The following ZNF227 variants were observed in gnomAD, a reference collection of about 807,000 sequenced individuals.
ZNF227 encodes zinc finger protein 227.
ZNF227 carries 12 observed loss-of-function variants against 13.2 expected under a neutral mutation model. The observed-to-expected ratio is 0.91, with a 90% confidence interval of 0.58 to 1.47. ZNF227 has a LOEUF of 1.47. ZNF227 is among the 40% of genes most tolerant of loss of function. ZNF227 has a pLI of 0.00. For synonymous variants in ZNF227, 338 were observed against 326.0 expected (o/e 1.04, Z -0.40); for missense variants, 885 against 967.5 (o/e 0.91, Z 1.13).
intron 2 of ZNF227, 187 bp from the exon 3 acceptor site, chr19:44,217,604 G>A (rs1972026876): frequency 1.3e-6 from 1 of 756,692 alleles, no homozygotes; most frequent in South Asian, 1.4e-5. Flanking sequence ...CACTTGTGCA[G>A]ACTGTTCACT....
rs181290314 is a variant in ZNF227, at chr19:44,217,945, G to A, written c.60+93G>A. 260 of 1,441,672 alleles carry A rather than the reference G, an allele frequency of 1.8e-4. 2 individuals are homozygous for A. The African/African-American group carries it at 3.1e-3, about 17-fold the overall frequency. 89.3% of individuals were successfully genotyped at this position (1,441,672 alleles called of 1,614,324 possible). A position where few individuals can be genotyped will look rare whatever the true frequency, so the allele number is the denominator to read the frequency against. On this transcript the variant is annotated intron_variant, in intron 3 of 5. Transcript: ENST00000313040. ...TTCTCTTTCTTGGAAAGGTTAGTGGGAAACAGATATTCAGGACATGTGGTA... is the reference window on the plus strand; with the variant it reads ...TTCTCTTTCTTGGAAAGGTTAGTGGAAAACAGATATTCAGGACATGTGGTA...
At chr19:44,231,134 C>T (rs1363933630) in intron 5 of ZNF227, among the ~76,000 whole-genome samples, 3 of 149,610 alleles carry the variant, frequency 2.0e-5, no homozygotes, top group South Asian at 4.2e-4. Flanking sequence ...TTTTTGAGAC[C>T]GAGTCTTGCT....
chr19:44,237,093 C>A lies in ZNF227; in HGVS notation c.*263C>A. The A allele has an allele frequency of 2.9e-6, 1 of 343,288 alleles. No individual in the cohort carries two copies. Among genetic ancestry groups the A allele is most frequent in the Non-Finnish European group, 5.3e-6 (1 of 189,912 alleles). 21.3% of individuals were successfully genotyped at this position (343,288 alleles called of 1,614,324 possible). On this transcript the variant is annotated 3_prime_UTR_variant, in exon 6 of 6. Transcript: ENST00000313040. ...GATCACCTTTCATTGTGAATATATG[C>A]CTGAAGATAATGTGTGGAAGGATAT...
rs1209501838 is a variant in ZNF227, at chr19:44,236,101, C to A, written c.1671C>A (p.Phe557Leu). 1 of 1,613,674 alleles carries A rather than the reference C, an allele frequency of 6.2e-7. No homozygotes were observed. Among genetic ancestry groups the A allele is most frequent in the South Asian group, 1.1e-5 (1 of 91,054 alleles). Reference sequence around the variant, plus strand: ...GATGTGATGTGTGTGGTAAGGACTTCAGTTATAGTTCAAATCTTAAACTAC... The same window carrying A: ...GATGTGATGTGTGTGGTAAGGACTTAAGTTATAGTTCAAATCTTAAACTAC... ...PYRCDVCGKD[F>L]SYSSNLKLHQ... Residue 557 changes from phenylalanine (F) to leucine (L), a missense_variant, in exon 6 of 6, where the codon TTC becomes TTA. Transcript: ENST00000313040.
chr19:44,213,320 T>C (rs1251672109), intron 2 of ZNF227, 76 bp downstream of exon 2: 1 of 152,212 alleles, frequency 6.6e-6, no homozygotes, highest in Non-Finnish European at 1.5e-5. Context: ...ACTCAGTAAG[T>C]TACTACTGAA....
chr19:44,213,610 T>C (rs1971546904), intron 2 of ZNF227: 1 of 152,246 alleles, frequency 6.6e-6, no homozygotes, highest in Non-Finnish European at 1.5e-5. Flanking sequence ...TTTGTTTTTG[T>C]TTCTTTGGTT....
upstream of ZNF227, among the ~76,000 whole-genome samples, chr19:44,208,914 A>G (rs1475310427): frequency 6.6e-6 from 1 of 152,212 alleles, no homozygotes; most frequent in Non-Finnish European, 1.5e-5. Context: ...TCACTGCTGT[A>G]TATTTAAACA....
At chr19:44,216,295 C>T (rs1971876303) in intron 2 of ZNF227, among the ~76,000 whole-genome samples, 1 of 151,086 alleles carries the variant, frequency 6.6e-6, no homozygotes, top group Non-Finnish European at 1.5e-5. Context: ...TTGACAGTTT[C>T]TTTATTTTGG....
At position 44,235,567 on chromosome 19, in the gene ZNF227, A is replaced by G; in HGVS notation, c.1137A>G (p.Pro379=). Residue 379 remains proline (P), a synonymous_variant, in exon 6 of 6, where the codon CCA becomes CCG. Coordinates refer to ENST00000313040, the MANE Select transcript of ZNF227 (RefSeq NM_182490.3). Reference sequence around the variant, plus strand: ...AGAGAGTCCACACTGAAGAAAAACCATACAAATGCGAAGAGTGTGGTAAGG... The same window carrying G: ...AGAGAGTCCACACTGAAGAAAAACCGTACAAATGCGAAGAGTGTGGTAAGG... The part of the protein sequence containing the change: ...CHQRVHTEEK[P]YKCEECGKGF... 1 of 1,614,186 alleles carries G rather than the reference A, an allele frequency of 6.2e-7. No homozygotes were observed.
chr19:44,217,802 C>G lies in ZNF227; in HGVS notation c.10C>G (p.Gln4Glu). 6.2e-7 allele frequency: 1 copy of G among 1,614,216 alleles called. No homozygotes were observed. Among genetic ancestry groups the G allele is most frequent in the East Asian group, 2.2e-5 (1 of 44,890 alleles). ...TTGGTCTCCCCCAGTTATGCCATCT[C>G]AGAACTATGACCTTCCCCAGAAGAA... MPS[Q>E]NYDLPQKKQE... is the part of the protein sequence containing the mutation. The change falls in exon 3 of 6, where the codon CAG (glutamine) becomes GAG (glutamate). Residue 4 changes from glutamine to glutamate, a missense_variant. Coordinates refer to ENST00000313040, the MANE Select transcript of ZNF227 (RefSeq NM_182490.3).
intron 3 of ZNF227, among the ~76,000 whole-genome samples, chr19:44,223,064 A>G (rs974830171): frequency 1.4e-4 from 22 of 152,328 alleles, no homozygotes; most frequent in Non-Finnish European, 2.9e-4. Flanking sequence ...GCTGTATTAC[A>G]TTTATTGATT....
At chr19:44,226,500 G>T (rs538500154) in intron 3 of ZNF227, among the ~76,000 whole-genome samples, 157 of 152,314 alleles carry the variant, frequency 1.0e-3, no homozygotes, top group Non-Finnish European at 2.0e-3. Flanking sequence ...CCCCAGCCTC[G>T]CTGCCTCCTT....
At chr19:44,218,986 C>A (rs1972166951) in intron 3 of ZNF227, among the ~76,000 whole-genome samples, 1 of 152,192 alleles carries the variant, frequency 6.6e-6, no homozygotes, top group Non-Finnish European at 1.5e-5. Flanking sequence ...CTCCCAGGTT[C>A]AAGCGATTCT....
At chr19:44,230,926 A>AAAAAAAAAAATATATAT (rs1555792168) in intron 5 of ZNF227, among the ~76,000 whole-genome samples, 8 of 68,112 alleles carry the variant, frequency 1.2e-4, no homozygotes, top group African/African-American at 7.8e-4. Flanking sequence ...AAAAAAAAAA[A>AAAAAAAAAAATATATAT]ATATATATAT....
chr19:44,233,970 A>AGTAACAT (rs1974138074), intron 5 of ZNF227, among the ~76,000 whole-genome samples: 2 of 152,300 alleles, frequency 1.3e-5, no homozygotes, highest in East Asian at 3.9e-4. Context: ...TCACAGATAA[A>AGTAACAT]GTAACATGTA....
chr19:44,231,514 G>C (rs758214119), intron 5 of ZNF227, among the ~76,000 whole-genome samples: 1 of 150,152 alleles, frequency 6.7e-6, no homozygotes, highest in Non-Finnish European at 1.5e-5. Context: ...TGTATTTTTA[G>C]TAGAGATGGG....
intron 5 of ZNF227, among the ~76,000 whole-genome samples, chr19:44,231,325 G>A (rs1973820114): frequency 6.6e-6 from 1 of 151,930 alleles, no homozygotes; most frequent in Admixed American, 6.6e-5. Flanking sequence ...ATGTTGGCCA[G>A]GCTGGTATTG....
At chr19:44,223,675 C>A (rs1012078608) in intron 3 of ZNF227, among the ~76,000 whole-genome samples, 2 of 152,002 alleles carry the variant, frequency 1.3e-5, no homozygotes, top group African/African-American at 4.8e-5. Flanking sequence ...ATTAGTCTTG[C>A]TAGCGGTCTA....
chr19:44,236,678 G>C lies in ZNF227; in HGVS notation c.2248G>C (p.Gly750Arg). The change falls in exon 6 of 6, where the codon GGT (glycine) becomes CGT (arginine). Residue 750 changes from glycine to arginine, a missense_variant. Transcript: ENST00000313040. ...AAAACTCTTTAAATGTGAAGAGTGT[G>C]GTAAAGGCTTCAGTCAGAGTGCACG... ...REKLFKCEEC[G>R]KGFSQSARLE... 1 of 1,614,008 alleles carries C rather than the reference G, an allele frequency of 6.2e-7. No homozygotes were observed. The highest frequency in any genetic ancestry group is 2.2e-5 in the East Asian group (1 of 44,878).
Sources: allele counts gnomAD v4.1 joint callset (sites outside exome capture counted in the v4.1 genomes callset), GRCh38; gene constraint gnomAD v4.1.1; transcripts MANE v1.5; gene names NCBI Gene and HGNC (gene_info 2026-07-23, HGNC 2026-07-21).